COL6A3: variants seen among roughly 807,000 people sequenced by gnomAD.
COL6A3 encodes collagen type VI alpha 3 chain.
In COL6A3, 137 loss-of-function variants were observed where a neutral mutation model predicts 274.1. The observed-to-expected ratio is 0.50, with a 90% CI of 0.44 to 0.58. The LOEUF (loss-of-function observed/expected upper bound fraction) is 0.58, where lower values mean the gene tolerates loss of function less well. Among genes scored for constraint, COL6A3 ranks in the 20% least tolerant of loss-of-function variants. The pLI is 0.00. For synonymous variants in COL6A3, 1,650 were observed against 1,650.6 expected (o/e 1.00, Z 0.01); for missense variants, 3,950 against 4,124.9 (o/e 0.96, Z 1.16).
chr2:237,390,724 T>C (rs919691358), intron 3 of COL6A3, among the ~76,000 whole-genome samples: 1 of 152,180 alleles, frequency 6.6e-6, no homozygotes, highest in Non-Finnish European at 1.5e-5. Flanking sequence ...CTCCTTTCAT[T>C]AAGAAAAACA....
chr2:237,349,595 A>AC (rs1335710625), intron 28 of COL6A3, among the ~76,000 whole-genome samples: 1 of 130,194 alleles, frequency 7.7e-6, no homozygotes, highest in African/African-American at 2.6e-5. Context: ...GTCACAATGG[A>AC]CCGTAGATTT....
In COL6A3 at chr2:237,368,163, G is replaced by A. The variant is rs553580484; in HGVS notation, c.4900+400C>T. Among the ~76,000 whole-genome samples the A allele has an allele frequency of 3.7e-4, 57 of 152,222 alleles. No homozygotes were observed. Among genetic ancestry groups the A allele is most frequent in the Non-Finnish European group, 7.9e-4 (54 of 68,046 alleles). On this transcript the variant is annotated intron_variant, in intron 10 of 43. Coordinates refer to ENST00000295550, the MANE Select transcript of COL6A3 (RefSeq NM_004369.4). This position sits in a 1 kb window ranked among gnomAD's most constrained non-coding sequence, Gnocchi z 4.4. ...CAAGTCTTCCAGGAAGGTGCTCCCTGATGGTCCCACCAGGCCAAGGAATGA... is the reference window on the plus strand; with the variant it reads ...CAAGTCTTCCAGGAAGGTGCTCCCTAATGGTCCCACCAGGCCAAGGAATGA...
intron 3 of COL6A3, among the ~76,000 whole-genome samples, chr2:237,393,283 T>C (rs2078339666): frequency 6.6e-6 from 1 of 152,218 alleles, no homozygotes; most frequent in Admixed American, 6.5e-5. Flanking sequence ...TGATAGCAAC[T>C]GGATGCCACT....
rs758824159 is a variant in COL6A3 at position 237,358,588 on chromosome 2, A to G, written c.6409-5T>C. 7 of 1,613,484 alleles carry G rather than the reference A, an allele frequency of 4.3e-6. No individual in the cohort carries two copies. The South Asian group carries it at 7.7e-5, about 18-fold the overall frequency. ...TCCTCGAGGTCCTTTATCACCCTAA[A>G]GAAAAAGCACAAGTGGATGCTAAAA... is the stretch of plus-strand genomic sequence containing the variant. On this transcript the variant is annotated splice_polypyrimidine_tract_variant and splice_region_variant and intron_variant, in intron 20 of 43. Transcript: ENST00000295550.
chr2:237,357,357 G>C lies in COL6A3; in HGVS notation c.6572C>G (p.Pro2191Arg). The change falls in exon 23 of 44, where the codon CCT becomes CGT. Residue 2191 changes from proline to arginine, a missense_variant. By Grantham distance (103) the Pro-to-Arg change is moderately radical. Coordinates refer to ENST00000295550, the MANE Select transcript of COL6A3 (RefSeq NM_004369.4). ...VPGRDGVPGG[P>R]GETGKNGGFG... ...ACTCACATTCTTCCCAGTTTCTCCA[G>C]GTCCTCCAGGTACTCCATCTCTCCC... The C allele has an allele frequency of 6.2e-7, 1 of 1,614,036 alleles. No individual in the cohort carries two copies. The highest frequency in any genetic ancestry group is 8.5e-7 in the Non-Finnish European group (1 of 1,179,872).
At position 237,394,829 on chromosome 2, in the gene COL6A3, T is replaced by G. The variant is rs150972216; in HGVS notation, c.467A>C (p.Asp156Ala). ...TTCCGCTGAGGGCAGAGCAAGGCCA[T>G]CCTTCGAGTGTCCATCAGTTAACAC... ...IVVLTDGHSK[D>A]GLALPSAELK... The change falls in exon 3 of 44, where the codon GAT becomes GCT. Residue 156 changes from aspartate (D) to alanine (A), a missense_variant. Physicochemically the swap from Asp to Ala is moderately radical, Grantham distance 126 (BLOSUM62 -2). Coordinates refer to ENST00000295550, the MANE Select transcript of COL6A3 (RefSeq NM_004369.4). 11 of 1,614,120 alleles carry G rather than the reference T, an allele frequency of 6.8e-6. 1 individual carries two copies. The highest frequency in any genetic ancestry group is 8.5e-6 in the Non-Finnish European group (10 of 1,179,996).
At chr2:237,336,681 C>A (rs1700570107) in intron 39 of COL6A3, 149 bp from the exon 40 acceptor site, 1 of 748,814 alleles carries the variant, frequency 1.3e-6, no homozygotes, top group South Asian at 2.0e-5. Flanking sequence ...ATATTAAATT[C>A]CTTCTTTTAA....
rs1335582737 is a variant in COL6A3, at chr2:237,340,494, G to A, written c.8422C>T (p.Pro2808Ser). ...AACAGCCTCCCGAAGCGCATCAAAG[G>A]CTCCTCGTTGAGCTCGGTGGACTTG... ...VDKSTELNEE[P>S]LMRFGRLLPS... The change falls in exon 38 of 44, where the codon CCT becomes TCT. Residue 2808 changes from proline (P) to serine (S), a missense_variant. Coordinates refer to ENST00000295550, the MANE Select transcript of COL6A3 (RefSeq NM_004369.4). The A allele has an allele frequency of 9.3e-6, 15 of 1,613,882 alleles. No individual in the cohort carries two copies. The highest frequency in any genetic ancestry group is 1.3e-5 in the African/African-American group (1 of 74,922).
At chr2:237,359,116 AC>A (rs770529766) in intron 19 of COL6A3, 28 bp from the exon 20 acceptor site, 1 of 1,614,062 alleles carries the variant, frequency 6.2e-7, no homozygotes, top group East Asian at 2.2e-5. Context: ...TAAAGGTCAC[AC>A]CTGCTGCAAT....
chr2:237,402,824 T>C (rs2078625060), intron 1 of COL6A3, among the ~76,000 whole-genome samples: 1 of 152,166 alleles, frequency 6.6e-6, no homozygotes, highest in South Asian at 2.1e-4. Context: ...TTTGTATCTC[T>C]ATCTTAATCT....
Position 237,358,514 on chromosome 2 carries a change from T to G in COL6A3, c.6471+7A>C. 6.2e-7 allele frequency: 1 copy of G among 1,613,170 alleles called. No individual in the cohort carries two copies. The highest frequency in any genetic ancestry group is 2.2e-5 in the East Asian group (1 of 44,884). ...AGGTCTGAAATCGTCAATAAAGAAA[T>G]CTTTACCGGGTCCCCTCGAATCCCA... On this transcript the variant is annotated splice_region_variant and intron_variant, in intron 21 of 43. Transcript: ENST00000295550.
Position 237,367,127 on chromosome 2 carries a change from G to T in COL6A3, c.5060C>A (p.Pro1687His). ...GTCCTTCAGGAAGAATTCGTCAGTG[G>T]GGTCAGAGTTGTACTGGACAAGCCC... ...QVGLVQYNSD[P>H]TDEFFLKDFS... The change falls in exon 11 of 44, where the codon CCC becomes CAC. Residue 1687 changes from proline (P) to histidine (H), a missense_variant. This residue lies in a region of COL6A3 where 632 missense variants were observed against 623.4 expected (regional missense o/e 1.01). Coordinates refer to ENST00000295550, the MANE Select transcript of COL6A3 (RefSeq NM_004369.4). 8.1e-6 allele frequency: 13 copies of T among 1,614,150 alleles called. No homozygotes were observed. Among genetic ancestry groups the T allele is most frequent in the Non-Finnish European group, 1.1e-5 (13 of 1,180,030 alleles).
chr2:237,344,082 C>A lies in COL6A3; in HGVS notation c.7668+268G>T. On this transcript the variant is annotated intron_variant, in intron 36 of 43. Transcript: ENST00000295550. The surrounding 1 kb of genome is among the most constrained non-coding windows in gnomAD (Gnocchi z 4.8). ...CTTGTTAGTAGATAGAGAGTGTCAC[C>A]AACACTAGCATCACTAACCGGCAAG... The A allele has an allele frequency of 1.8e-6, 1 of 547,172 alleles. No homozygotes were observed. The highest frequency in any genetic ancestry group is 3.3e-5 in the East Asian group (1 of 30,098). The allele number at this position is 547,172 out of a possible 1,614,324, so 33.9% of individuals were successfully genotyped here.
Position 237,368,758 on chromosome 2 carries a change from C to T in COL6A3, c.4705G>A (p.Val1569Met), listed in dbSNP as rs2106352761. Residue 1569 changes from valine to methionine, a missense_variant, in exon 10 of 44, where the codon GTG becomes ATG. Coordinates refer to ENST00000295550, the MANE Select transcript of COL6A3 (RefSeq NM_004369.4). The surrounding 1 kb of genome is among the most constrained non-coding windows in gnomAD (Gnocchi z 4.4). ...FAQVIRSSGIVSLGVGDRNID... is the reference protein window; with the variant it reads ...FAQVIRSSGIMSLGVGDRNID... ...TTCCGGTCTCCTACCCCTAAACTCACAATGCCCGAGGAACGGATCACCTGG... is the reference window on the plus strand; with the variant it reads ...TTCCGGTCTCCTACCCCTAAACTCATAATGCCCGAGGAACGGATCACCTGG... 6.2e-7 allele frequency: 1 copy of T among 1,614,246 alleles called. No homozygotes were observed. Among genetic ancestry groups the T allele is most frequent in the Non-Finnish European group, 8.5e-7 (1 of 1,180,046 alleles).
At chr2:237,393,153 C>T (rs2078335706) in intron 3 of COL6A3, among the ~76,000 whole-genome samples, 1 of 152,200 alleles carries the variant, frequency 6.6e-6, no homozygotes, top group Admixed American at 6.5e-5. Context: ...TCTGTCCTCT[C>T]TATTGTTCCC....
intron 1 of COL6A3, among the ~76,000 whole-genome samples, chr2:237,412,026 A>G (rs551016378): frequency 3.6e-4 from 55 of 152,312 alleles, no homozygotes; most frequent in Admixed American, 1.8e-3. Flanking sequence ...TGCTCCACTC[A>G]GTGTCTGCTT....
rs1318542130 is a variant in COL6A3, at chr2:237,346,497, A to C, written c.7092+6T>G. 6.2e-7 allele frequency: 1 copy of C among 1,613,740 alleles called. No individual in the cohort carries two copies. The highest frequency in any genetic ancestry group is 8.5e-7 in the Non-Finnish European group (1 of 1,179,822). ...GTGGCCGGGTCAGAACTGGATAAAT[A>C]CTTACAGCTGGTCCTGGGTAGCCAG... On this transcript the variant is annotated splice_donor_region_variant and intron_variant, in intron 32 of 43. Coordinates refer to ENST00000295550, the MANE Select transcript of COL6A3 (RefSeq NM_004369.4).
chr2:237,405,236 A>T (rs865969504), intron 1 of COL6A3, among the ~76,000 whole-genome samples: 1 of 152,148 alleles, frequency 6.6e-6, no homozygotes, highest in Non-Finnish European at 1.5e-5. Context: ...TCCTGCCATC[A>T]TGCGGGAAGC....
At chr2:237,341,283 C>G in intron 37 of COL6A3, 133 bp from the exon 38 acceptor site, 1 of 857,584 alleles carries the variant, frequency 1.2e-6, no homozygotes. Flanking sequence ...CGGTGGCTCA[C>G]GCCTGTAATC....
Sources: allele counts gnomAD v4.1 joint callset (sites outside exome capture counted in the v4.1 genomes callset), GRCh38; gene constraint gnomAD v4.1.1; regional missense constraint gnomAD v4.1.1; non-coding constraint Gnocchi (gnomAD v3.1); transcripts MANE v1.5; gene names NCBI Gene and HGNC (gene_info 2026-07-23, HGNC 2026-07-21).